Variants in MEF2A observed in about 807,000 individuals in gnomAD.
MEF2A encodes myocyte-specific enhancer factor 2A.
A neutral mutation model predicts 55.8 loss-of-function variants in MEF2A; 28 were observed. The ratio of observed to expected loss-of-function variants is 0.50; its 90% CI spans 0.37 to 0.69. The LOEUF (loss-of-function observed/expected upper bound fraction) is 0.69. Among genes scored for constraint, MEF2A ranks in the 30% least tolerant of loss-of-function variants. MEF2A has a pLI of 0.00. For missense variants in MEF2A, 528 were observed against 626.2 expected (o/e 0.84, Z 1.67); for synonymous variants, 239 against 227.1 (o/e 1.05, Z -0.47).
At chr15:99,692,727 G>A (rs1378438583) in intron 8 of MEF2A, among the ~76,000 whole-genome samples, 1 of 152,144 alleles carries the variant, frequency 6.6e-6, no homozygotes, top group Non-Finnish European at 1.5e-5. Context: ...CTGGGAGAGG[G>A]GAAGAGTAGC....
At chr15:99,688,673 C>T (rs898820798) in intron 7 of MEF2A, among the ~76,000 whole-genome samples, 7 of 152,248 alleles carry the variant, frequency 4.6e-5, no homozygotes, top group Middle Eastern at 3.4e-3. Flanking sequence ...AGGAGAATGG[C>T]GTGAACCCAG....
intron 4 of MEF2A, among the ~76,000 whole-genome samples, chr15:99,667,313 C>T (rs1446915949): frequency 6.6e-5 from 10 of 152,094 alleles, no homozygotes; most frequent in Admixed American, 1.3e-4. Flanking sequence ...CTCCGCCTCC[C>T]GGGTTTACGC....
intron 2 of MEF2A, among the ~76,000 whole-genome samples, chr15:99,599,757 A>G (rs1199113187): frequency 6.6e-6 from 1 of 152,106 alleles, no homozygotes; most frequent in African/African-American, 2.4e-5. Flanking sequence ...TCTTCTGTAA[A>G]TCTTTTTCTT....
At chr15:99,697,311 G>T (rs2056628853) in intron 8 of MEF2A, among the ~76,000 whole-genome samples, 8 of 151,912 alleles carry the variant, frequency 5.3e-5, no homozygotes. Context: ...TCTATTCATA[G>T]GAGATAGATT....
In MEF2A at chr15:99,608,936, G is replaced by T. The variant is rs141553900; in HGVS notation, c.-143+10425G>T. ...AAAGAAGGTGCTATTTTGTTGTTCT[G>T]ATTTTAGGCAAAGGTACCAGTATTC... On this transcript the variant is annotated intron_variant, in intron 2 of 11. Transcript: ENST00000557942. Among the ~76,000 whole-genome samples the T allele has an allele frequency of 8.6e-5, 13 of 151,988 alleles. No homozygotes were observed. In the East Asian group the frequency reaches 2.5e-3, roughly 29 times the overall value.
chr15:99,645,155 C>T (rs1486887128), intron 3 of MEF2A, among the ~76,000 whole-genome samples: 1 of 152,112 alleles, frequency 6.6e-6, no homozygotes, highest in Non-Finnish European at 1.5e-5. Context: ...AGGAGAAATA[C>T]TTCAGATTAG....
At chr15:99,600,168 C>T (rs1972505122) in intron 2 of MEF2A, among the ~76,000 whole-genome samples, 1 of 152,164 alleles carries the variant, frequency 6.6e-6, no homozygotes, top group Admixed American at 6.5e-5. Context: ...TCTGTACTTT[C>T]TCTGAACCTC....
intron 3 of MEF2A, among the ~76,000 whole-genome samples, chr15:99,637,363 T>C (rs2044068101): frequency 6.6e-6 from 1 of 152,220 alleles, no homozygotes; most frequent in Non-Finnish European, 1.5e-5. Flanking sequence ...TGGCTGATAG[T>C]TTTCAAAATA....
intron 4 of MEF2A, among the ~76,000 whole-genome samples, chr15:99,654,699 G>A (rs1401197061): frequency 6.6e-6 from 1 of 152,002 alleles, no homozygotes. Flanking sequence ...CTTCACACTG[G>A]CTTTTTCATG....
chr15:99,627,286 GA>G (rs2042192108), intron 2 of MEF2A, among the ~76,000 whole-genome samples: 1 of 151,882 alleles, frequency 6.6e-6, no homozygotes, highest in Admixed American at 6.6e-5. Context: ...TGAACATGAT[GA>G]TGGATGCCTA....
chr15:99,690,117 CA>C, intron 7 of MEF2A, 123 bp from the exon 8 acceptor site: 1 of 889,554 alleles, frequency 1.1e-6, no homozygotes, highest in Admixed American at 2.4e-5. Context: ...AAGGGATACT[CA>C]AACCTGTAGT....
At chr15:99,690,136 G>A (rs898326462) in intron 7 of MEF2A, 105 bp from the exon 8 acceptor site, 3 of 1,076,128 alleles carry the variant, frequency 2.8e-6, no homozygotes, top group Non-Finnish European at 4.0e-6. Context: ...AGTGAGTTTT[G>A]TTATAAAATT....
At chr15:99,591,920 C>T (rs767064575) in intron 1 of MEF2A, among the ~76,000 whole-genome samples, 3 of 151,748 alleles carry the variant, frequency 2.0e-5, no homozygotes, top group Non-Finnish European at 4.4e-5. Context: ...TTAAAGACAC[C>T]CTGTCTTGCT....
chr15:99,608,453 A>G (rs1975913874), intron 2 of MEF2A, among the ~76,000 whole-genome samples: 1 of 152,216 alleles, frequency 6.6e-6, no homozygotes, highest in Non-Finnish European at 1.5e-5. Context: ...ATAACTTGTT[A>G]TTAATCAGAG....
intron 4 of MEF2A, among the ~76,000 whole-genome samples, chr15:99,652,015 C>T (rs2046927043): frequency 6.6e-6 from 1 of 152,114 alleles, no homozygotes; most frequent in Admixed American, 6.5e-5. Context: ...ATTAATAGTA[C>T]TTACCATCAG....
chr15:99,609,082 C>G (rs1227475155), intron 2 of MEF2A, among the ~76,000 whole-genome samples: 1 of 152,162 alleles, frequency 6.6e-6, no homozygotes, highest in Non-Finnish European at 1.5e-5. Context: ...ATAGTGGCTT[C>G]TGCTACAGTT....
Position 99,679,582 on chromosome 15 carries a change from T to C in MEF2A, c.670+4124T>C, listed in dbSNP as rs185179481. ...AAAAACCAAGAAATTACTGTAAAAT[T>C]CACAATAGTGGTTACTTTGGGTAGG... is the stretch of plus-strand genomic sequence containing the variant. On this transcript the variant is annotated intron_variant, in intron 7 of 11. Coordinates refer to ENST00000557942, the MANE Select transcript of MEF2A (RefSeq NM_001319206.4). Among the ~76,000 whole-genome samples the C allele has an allele frequency of 9.2e-4, 140 of 152,330 alleles. 1 individual carries two copies. Among genetic ancestry groups the C allele is most frequent in the Non-Finnish European group, 1.3e-3 (91 of 68,028 alleles).
chr15:99,616,276 C>T (rs2040179561), intron 2 of MEF2A, among the ~76,000 whole-genome samples: 1 of 151,942 alleles, frequency 6.6e-6, no homozygotes, highest in African/African-American at 2.4e-5. Flanking sequence ...AATGTGTATC[C>T]ATTTTATAAT....
intron 7 of MEF2A, among the ~76,000 whole-genome samples, chr15:99,679,869 T>G (rs1353044741): frequency 3.3e-5 from 5 of 152,190 alleles, no homozygotes; most frequent in Non-Finnish European, 2.9e-5. Flanking sequence ...GAGAAAATAA[T>G]GTACATTTTG....
Sources: allele counts gnomAD v4.1 joint callset (sites outside exome capture counted in the v4.1 genomes callset), GRCh38; gene constraint gnomAD v4.1.1; transcripts MANE v1.5; gene names NCBI Gene and HGNC (gene_info 2026-07-23, HGNC 2026-07-21).